Variants in NLRP13 observed in about 807,000 individuals in gnomAD.
NLRP13 encodes the protein NACHT, LRR and PYD domains-containing protein 13.
A neutral mutation model predicts 94.4 loss-of-function variants in NLRP13; 82 were observed. The ratio of observed to expected loss-of-function variants is 0.87; its 90% CI spans 0.73 to 1.04. NLRP13 has a LOEUF of 1.04. Ranked by LOEUF, NLRP13 falls within the 50% of genes least tolerant of loss-of-function variation. The pLI is 0.00. For missense variants in NLRP13, 1,426 were observed against 1,230.8 expected, an observed-to-expected ratio of 1.16 and a Z score of -2.37; for synonymous variants, 553 against 464.7, an observed-to-expected ratio of 1.19 and a Z score of -2.45.
chr19:55,913,250 C>T lies in NLRP13; in HGVS notation c.567G>A (p.Leu189=). The change falls in exon 5 of 11, where the codon CTG becomes CTA. Residue 189 remains leucine, a synonymous_variant. Coordinates refer to ENST00000342929, the MANE Select transcript of NLRP13 (RefSeq NM_176810.2). ...GCCAACTGATGTTGTCCCATGTCTC[C>T]AGTAGTTCAGCCTTCATGTTCTCTC... ...KYRENMKAEL[L]ETWDNISWPK... 1.9e-6 allele frequency: 3 copies of T among 1,614,056 alleles called. No homozygotes were observed. The highest frequency in any genetic ancestry group is 2.5e-6 in the Non-Finnish European group (3 of 1,180,012).
At position 55,927,049 on chromosome 19, in the gene NLRP13, C is replaced by G. The variant is rs552782809; in HGVS notation, c.320-2014G>C. Among the ~76,000 whole-genome samples the G allele has an allele frequency of 1.1e-4, 16 of 151,746 alleles. No homozygotes were observed. In the South Asian group the frequency reaches 1.9e-3, roughly 18 times the overall value. On this transcript the variant is annotated intron_variant, in intron 1 of 10. Transcript: ENST00000342929. ...TATACAGGAGAAAAAAAAAACCAAC[C>G]CAAAAGAGAGAATAGATTTAAGTAT...
chr19:55,931,885 G>T, intron 1 of NLRP13, 108 bp downstream of exon 1: 2 of 880,066 alleles, frequency 2.3e-6, no homozygotes, highest in Non-Finnish European at 3.6e-6. Context: ...AGGAGGATTT[G>T]TAGGGGGAGA....
At chr19:55,928,192 G>C (rs1469485979) in intron 1 of NLRP13, among the ~76,000 whole-genome samples, 1 of 152,132 alleles carries the variant, frequency 6.6e-6, no homozygotes, top group Non-Finnish European at 1.5e-5. Flanking sequence ...CCAGGGAAAC[G>C]GGGCTCCTGT....
intron 8 of NLRP13, among the ~76,000 whole-genome samples, chr19:55,903,781 G>A (rs61556172): frequency 6.6e-6 from 1 of 151,848 alleles, no homozygotes; most frequent in African/African-American, 2.4e-5. Flanking sequence ...TCTACCTTCC[G>A]ATCTATCCTG....
Position 55,902,096 on chromosome 19 carries a change from C to A in NLRP13, c.2728G>T (p.Glu910Ter), listed in dbSNP as rs202242724. The A allele has an allele frequency of 5.0e-6, 8 of 1,614,044 alleles. No individual in the cohort carries two copies. Among genetic ancestry groups the A allele is most frequent in the East Asian group, 2.2e-5 (1 of 44,888 alleles). The change falls in exon 9 of 11, where the codon GAG becomes TAG. Residue 910 changes from glutamate (E) to a stop codon, truncating the protein, a stop_gained. Coordinates refer to ENST00000342929, the MANE Select transcript of NLRP13 (RefSeq NM_176810.2). LOFTEE classifies it high-confidence loss of function. ...LNLSKNSLRD[E>*]GVKFLCEALG... ...GCCTCACACAGGAACTTGACTCCCT[C>A]GTCTCTCAGGCTGTTCTTGCTCAGA...
intron 10 of NLRP13, among the ~76,000 whole-genome samples, chr19:55,897,810 A>G (rs1402439075): frequency 6.6e-6 from 1 of 152,194 alleles, no homozygotes; most frequent in African/African-American, 2.4e-5. Flanking sequence ...GGTAAACCCC[A>G]ACAATGCTGG....
intron 7 of NLRP13, among the ~76,000 whole-genome samples, chr19:55,907,294 C>G (rs1986381865): frequency 6.6e-6 from 1 of 152,042 alleles, no homozygotes; most frequent in Admixed American, 6.6e-5. Flanking sequence ...TAGGTTGGGC[C>G]GGGCACATTG....
Position 55,932,283 on chromosome 19 carries a change from T to C in NLRP13, c.29A>G (p.Asn10Ser), listed in dbSNP as rs766296500. The C allele has an allele frequency of 2.5e-5, 41 of 1,608,324 alleles. No homozygotes were observed. Among genetic ancestry groups the C allele is most frequent in the South Asian group, 1.7e-4 (15 of 90,014 alleles). The change falls in exon 1 of 11, where the codon AAC becomes AGC. Residue 10 changes from asparagine to serine, a missense_variant. Transcript: ENST00000342929. ...CAGAAGCCCTTGGTTGGTACCACCG[T>C]TGGGGCAGGTGATTACAGAAAAGTT... MNFSVITCP[N>S]GGTNQGLLPY... is the part of the protein sequence containing the mutation.
chr19:55,928,665 A>G (rs1268117969), intron 1 of NLRP13, among the ~76,000 whole-genome samples: 1 of 152,220 alleles, frequency 6.6e-6, no homozygotes, highest in East Asian at 1.9e-4. Context: ...AGGTCTCTAT[A>G]AAGAGAGATA....
intron 3 of NLRP13, 95 bp from the exon 4 acceptor site, chr19:55,924,074 G>T: frequency 1.1e-6 from 1 of 919,738 alleles, no homozygotes; most frequent in Non-Finnish European, 1.8e-6. Flanking sequence ...TCTTTCTATG[G>T]CAAACTTGAG....
intron 1 of NLRP13, among the ~76,000 whole-genome samples, chr19:55,927,221 T>G (rs1986985873): frequency 6.6e-6 from 1 of 151,434 alleles, no homozygotes; most frequent in South Asian, 2.1e-4. Flanking sequence ...ACACAAAAAT[T>G]AGCTGGGTGT....
chr19:55,891,937 A>C, downstream of NLRP13: 1 of 410,118 alleles, frequency 2.4e-6, no homozygotes, highest in Middle Eastern at 6.3e-4. Flanking sequence ...CACACAGGCC[A>C]GGATGTCCTG....
chr19:55,902,281 G>C, intron 8 of NLRP13, 76 bp from the exon 9 acceptor site: 1 of 1,266,320 alleles, frequency 7.9e-7, no homozygotes, highest in Non-Finnish European at 1.1e-6. Context: ...GAGCCTCAGG[G>C]CCCCCTCCGA....
intron 6 of NLRP13, 32 bp from the exon 7 acceptor site, chr19:55,907,988 T>C: frequency 1.3e-6 from 2 of 1,572,584 alleles, no homozygotes. Flanking sequence ...AAAGCTGGAT[T>C]GGGGGAGAAG....
chr19:55,909,023 A>G (rs1023420330), intron 6 of NLRP13, among the ~76,000 whole-genome samples: 1 of 152,244 alleles, frequency 6.6e-6, no homozygotes, highest in Admixed American at 6.5e-5. Context: ...CAAACCTTTC[A>G]CTCTTAACTG....
At chr19:55,893,078 T>C (rs1447832444), downstream of NLRP13, among the ~76,000 whole-genome samples, 1 of 152,136 alleles carries the variant, frequency 6.6e-6, no homozygotes, top group African/African-American at 2.4e-5. Flanking sequence ...ACAAAAGTAA[T>C]TGCCATTTTT....
intron 8 of NLRP13, among the ~76,000 whole-genome samples, chr19:55,904,335 G>A (rs961643686): frequency 2.0e-5 from 3 of 152,024 alleles, no homozygotes; most frequent in Admixed American, 6.6e-5. Flanking sequence ...TGATCTGCCC[G>A]CCTCAGCCTC....
At chr19:55,927,759 G>T (rs1987005071) in intron 1 of NLRP13, among the ~76,000 whole-genome samples, 3 of 152,194 alleles carry the variant, frequency 2.0e-5, no homozygotes, top group Admixed American at 2.0e-4. Flanking sequence ...AAATGTAGAG[G>T]TTGGAACAGT....
intron 1 of NLRP13, among the ~76,000 whole-genome samples, chr19:55,929,956 A>G (rs1226318116): frequency 1.3e-5 from 2 of 152,192 alleles, no homozygotes; most frequent in Non-Finnish European, 2.9e-5. Flanking sequence ...TCTGCTTTAC[A>G]TCTGCCTATT....
Sources: gnomAD v4.1 joint callset for allele counts (sites outside exome capture counted in the v4.1 genomes callset) on GRCh38, gnomAD v4.1.1 for gene constraint, MANE v1.5 for transcripts, NCBI Gene and HGNC (gene_info 2026-07-23, HGNC 2026-07-21) for gene names.